Variants in NETO1 observed in about 807,000 individuals in gnomAD.
The protein encoded by NETO1 is neuropilin and tolloid like 1.
In NETO1, 26 loss-of-function variants were observed where a neutral mutation model predicts 61.3. The ratio of observed to expected loss-of-function variants is 0.42; its 90% CI spans 0.31 to 0.59. NETO1 has a LOEUF of 0.59. Ranked by LOEUF, NETO1 falls within the 20% of genes least tolerant of loss-of-function variation. The pLI is 0.12. For synonymous variants in NETO1, 225 were observed against 225.8 expected, an observed-to-expected ratio of 1.00 and a Z score of 0.03; for missense variants, 531 against 662.8, an observed-to-expected ratio of 0.80 and a Z score of 2.18.
chr18:72,800,297 C>G (rs2072462112), intron 4 of NETO1, among the ~76,000 whole-genome samples: 1 of 152,208 alleles, frequency 6.6e-6, no homozygotes, highest in Admixed American at 6.5e-5. Context: ...CTTCAAATCT[C>G]CATACGTGCT....
In NETO1 at chr18:72,855,267, G is replaced by A. The variant is rs578247033; in HGVS notation, c.469+3559C>T. ...CCACAGGGTGCTCACAAGGCTCTGCGCCCCCTGGCCCTTCTACAAGCCTCA... is the reference window on the plus strand; with the variant it reads ...CCACAGGGTGCTCACAAGGCTCTGCACCCCCTGGCCCTTCTACAAGCCTCA... On this transcript the variant is annotated intron_variant, in intron 4 of 10. Transcript: ENST00000327305. Among the ~76,000 whole-genome samples, 18 of 152,184 alleles carry A rather than the reference G, an allele frequency of 1.2e-4. No individual in the cohort carries two copies. The East Asian group carries it at 2.5e-3, about 21-fold the overall frequency.
chr18:72,863,422 T>G (rs1413440647), intron 3 of NETO1, among the ~76,000 whole-genome samples: 1 of 152,186 alleles, frequency 6.6e-6, no homozygotes, highest in Admixed American at 6.5e-5. Flanking sequence ...CCCTTTAGAT[T>G]GTTTACAAAA....
intron 6 of NETO1, among the ~76,000 whole-genome samples, chr18:72,786,933 A>T (rs975920361): frequency 1.1e-4 from 16 of 151,568 alleles, no homozygotes; most frequent in African/African-American, 3.9e-4. Context: ...CAAACAAAAA[A>T]GGCTGGAGCA....
chr18:72,867,078 G>C lies in NETO1; in HGVS notation c.28+186C>G, dbSNP rs115029783. ...TTTTGGGATCCGGCGACGGCTGACC[G>C]CGCGCCGCCCCCACGCCCGGTTCCA... On this transcript the variant is annotated intron_variant, in intron 1 of 10. Transcript: ENST00000327305. 13 of 479,304 alleles carry C rather than the reference G, an allele frequency of 2.7e-5. No individual in the cohort carries two copies. The East Asian group carries it at 4.6e-4, about 17-fold the overall frequency. 29.7% of individuals were successfully genotyped at this position (479,304 alleles called of 1,614,324 possible). A position where few individuals can be genotyped will look rare whatever the true frequency, so the allele number is the denominator to read the frequency against.
chr18:72,818,079 T>A (rs2073082273), intron 4 of NETO1, among the ~76,000 whole-genome samples: 1 of 152,150 alleles, frequency 6.6e-6, no homozygotes, highest in Admixed American at 6.5e-5. Flanking sequence ...TTAAATAAGA[T>A]CAGCTTTCGT....
At chr18:72,848,889 A>G (rs946848562) in intron 4 of NETO1, among the ~76,000 whole-genome samples, 1 of 152,226 alleles carries the variant, frequency 6.6e-6, no homozygotes, top group African/African-American at 2.4e-5. Context: ...CTGATGGAAC[A>G]TTCTCAAGAA....
At chr18:72,844,999 G>A (rs183416186) in intron 4 of NETO1, among the ~76,000 whole-genome samples, 5 of 152,282 alleles carry the variant, frequency 3.3e-5, no homozygotes, top group Admixed American at 2.6e-4. Flanking sequence ...CCCACATTAC[G>A]CACATGCCAT....
chr18:72,785,774 C>T (rs2071894793), intron 6 of NETO1, among the ~76,000 whole-genome samples: 1 of 152,246 alleles, frequency 6.6e-6, no homozygotes, highest in Middle Eastern at 3.4e-3. Flanking sequence ...AAAAATCCAC[C>T]CTTTATGAAC....
chr18:72,753,655 T>G (rs2070696428), intron 8 of NETO1, among the ~76,000 whole-genome samples: 1 of 152,212 alleles, frequency 6.6e-6, no homozygotes, highest in Non-Finnish European at 1.5e-5. Context: ...ACAGTGAATA[T>G]GTAAATAATT....
chr18:72,763,264 T>C (rs1056155182), intron 7 of NETO1, among the ~76,000 whole-genome samples: 2 of 152,160 alleles, frequency 1.3e-5, no homozygotes, highest in African/African-American at 4.8e-5. Flanking sequence ...AAAACTATCA[T>C]TGGTAATTTG....
At chr18:72,835,884 G>A (rs1310255563) in intron 4 of NETO1, among the ~76,000 whole-genome samples, 1 of 152,300 alleles carries the variant, frequency 6.6e-6, no homozygotes, top group Admixed American at 6.5e-5. Flanking sequence ...AGGGTCGTGA[G>A]AGGAAAACAA....
intron 4 of NETO1, among the ~76,000 whole-genome samples, chr18:72,851,130 G>A (rs118047563): frequency 0.023 from 3,507 of 151,558 alleles, 51 homozygotes; most frequent in Non-Finnish European, 0.034. Flanking sequence ...GTGGGAGATC[G>A]GCCGGGCATG....
intron 4 of NETO1, among the ~76,000 whole-genome samples, chr18:72,819,197 T>C (rs2073116763): frequency 6.6e-6 from 1 of 152,140 alleles, no homozygotes; most frequent in Non-Finnish European, 1.5e-5. Context: ...CCACCTTAGT[T>C]TAGGTGGAAG....
chr18:72,848,517 A>G (rs984014379), intron 4 of NETO1, among the ~76,000 whole-genome samples: 3 of 152,242 alleles, frequency 2.0e-5, no homozygotes, highest in Admixed American at 6.5e-5. Flanking sequence ...ATGGTAGGGC[A>G]GGCAAACAAT....
intron 7 of NETO1, among the ~76,000 whole-genome samples, chr18:72,759,467 G>A (rs771985673): frequency 6.6e-6 from 1 of 151,912 alleles, no homozygotes; most frequent in Non-Finnish European, 1.5e-5. Flanking sequence ...AAGCTTACTA[G>A]GCTTGTAGTA....
At chr18:72,785,181 C>A (rs369635765) in intron 6 of NETO1, among the ~76,000 whole-genome samples, 2 of 152,136 alleles carry the variant, frequency 1.3e-5, no homozygotes, top group South Asian at 2.1e-4. Context: ...AAACATCCAT[C>A]TCTTTCATCA....
intron 4 of NETO1, among the ~76,000 whole-genome samples, chr18:72,845,093 G>A (rs1021245969): frequency 3.9e-5 from 6 of 152,162 alleles, no homozygotes; most frequent in Non-Finnish European, 7.3e-5. Context: ...TCAACATTTT[G>A]TATACAGTAA....
In NETO1 at chr18:72,846,374, G is replaced by A. The variant is rs141899483; in HGVS notation, c.469+12452C>T. Among the ~76,000 whole-genome samples, 248 of 151,492 alleles carry A rather than the reference G, an allele frequency of 1.6e-3. 2 individuals carry two copies. Among genetic ancestry groups the A allele is most frequent in the African/African-American group, 4.9e-3 (201 of 41,360 alleles). On this transcript the variant is annotated intron_variant, in intron 4 of 10. Transcript: ENST00000327305. ...TAAAAAATTAGCTGGGCATGGTGGC[G>A]TGCTCTTGTAGTCCCAGCTACTGGG...
intron 4 of NETO1, among the ~76,000 whole-genome samples, chr18:72,825,012 A>C (rs534978376): frequency 6.6e-6 from 1 of 152,364 alleles, no homozygotes; most frequent in African/African-American, 2.4e-5. Flanking sequence ...AAAACAAGAA[A>C]TCTACAGCCA....
Sources: gnomAD v4.1 joint callset for allele counts (sites outside exome capture counted in the v4.1 genomes callset) on GRCh38, gnomAD v4.1.1 for gene constraint, MANE v1.5 for transcripts, NCBI Gene and HGNC (gene_info 2026-07-23, HGNC 2026-07-21) for gene names.